The following CALN1 variants were observed in gnomAD, a reference collection of about 807,000 sequenced individuals.
The protein encoded by CALN1 is calcium-binding protein 8.
In CALN1, 17 loss-of-function variants were observed where a neutral mutation model predicts 30.6. The ratio of observed to expected loss-of-function variants is 0.56; its 90% confidence interval spans 0.38 to 0.83. The LOEUF is 0.83. CALN1 is among the 40% of genes least tolerant of loss of function. The probability of loss-of-function intolerance (pLI) is 0.00; values close to 1 mark genes in which losing one functional copy is unlikely to be tolerated. For missense variants in CALN1, 291 were observed against 354.9 expected, an observed-to-expected ratio of 0.82 and a Z score of 1.45; for synonymous variants, 156 against 131.4, an observed-to-expected ratio of 1.19 and a Z score of -1.28.
At chr7:72,201,737 T>TTA (rs1229060738) in intron 3 of CALN1, among the ~76,000 whole-genome samples, 3,250 of 117,854 alleles carry the variant, frequency 0.028, 53 homozygotes, top group Non-Finnish European at 0.039. Context: ...TGAATCTGAT[T>TTA]AAAAAAAAAA....
At chr7:72,005,407 C>T (rs752487897) in intron 5 of CALN1, among the ~76,000 whole-genome samples, 2 of 152,156 alleles carry the variant, frequency 1.3e-5, no homozygotes, top group Non-Finnish European at 2.9e-5. Context: ...CGGCTCACTA[C>T]AGCCTGGAAC....
chr7:72,101,121 G>A (rs949453183), intron 4 of CALN1, among the ~76,000 whole-genome samples: 1 of 151,860 alleles, frequency 6.6e-6, no homozygotes, highest in African/African-American at 2.4e-5. Flanking sequence ...ATGGTACCAT[G>A]CCTGGCTAAT....
intron 3 of CALN1, among the ~76,000 whole-genome samples, chr7:72,277,385 C>T (rs1797404552): frequency 6.6e-6 from 1 of 152,130 alleles, no homozygotes. Context: ...ACCAGCACAC[C>T]TTTTGCTCAA....
intron 1 of CALN1, among the ~76,000 whole-genome samples, chr7:72,430,493 G>A (rs1457728578): frequency 6.6e-6 from 1 of 152,016 alleles, no homozygotes; most frequent in African/African-American, 2.4e-5. Context: ...AGTGTTTTCT[G>A]GATAAACGTT....
chr7:71,887,644 TA>T (rs1435635801), intron 5 of CALN1, among the ~76,000 whole-genome samples: 1 of 151,672 alleles, frequency 6.6e-6, no homozygotes, highest in East Asian at 1.9e-4. Context: ...GTAGCAAACA[TA>T]GGGGGAGGGA....
At chr7:72,338,864 G>C (rs982046268) in intron 2 of CALN1, among the ~76,000 whole-genome samples, 2 of 150,930 alleles carry the variant, frequency 1.3e-5, no homozygotes, top group Non-Finnish European at 2.9e-5. Flanking sequence ...TAGTCACTGT[G>C]TTGTGCTATC....
chr7:72,316,315 G>A (rs1275967694), intron 2 of CALN1, among the ~76,000 whole-genome samples: 2 of 151,666 alleles, frequency 1.3e-5, no homozygotes, highest in Admixed American at 6.6e-5. Flanking sequence ...TTAGGGTGGT[G>A]CAAAAGTAAT....
chr7:72,486,480 T>C, the CALN1 span, among the ~76,000 whole-genome samples: 1 of 152,114 alleles, frequency 6.6e-6, no homozygotes, highest in Non-Finnish European at 1.5e-5. Context: ...CAAGTGATTA[T>C]CCTGCCTCAG....
intron 1 of CALN1, among the ~76,000 whole-genome samples, chr7:72,440,664 T>C (rs767967098): frequency 3.3e-5 from 5 of 152,140 alleles, no homozygotes; most frequent in Non-Finnish European, 5.9e-5. Flanking sequence ...CCATCTCTAC[T>C]AAAAATACAA....
intron 4 of CALN1, among the ~76,000 whole-genome samples, chr7:72,048,538 A>C (rs527417506): frequency 6.6e-6 from 1 of 152,180 alleles, no homozygotes; most frequent in Admixed American, 6.5e-5. Flanking sequence ...TGAACTTTTT[A>C]CTTATACACT....
intron 4 of CALN1, among the ~76,000 whole-genome samples, chr7:72,033,511 G>A (rs1394628362): frequency 6.6e-6 from 1 of 152,202 alleles, no homozygotes; most frequent in Non-Finnish European, 1.5e-5. Flanking sequence ...GTTAAGGCAG[G>A]ACAAAGTCAG....
chr7:71,875,529 T>G (rs1018183585), intron 5 of CALN1, among the ~76,000 whole-genome samples: 1 of 152,144 alleles, frequency 6.6e-6, no homozygotes, highest in Non-Finnish European at 1.5e-5. Context: ...TCATGGGGCA[T>G]AGTCATCAAT....
intron 5 of CALN1, among the ~76,000 whole-genome samples, chr7:71,898,755 G>C (rs1213347365): frequency 6.6e-6 from 1 of 152,140 alleles, no homozygotes; most frequent in African/African-American, 2.4e-5. Flanking sequence ...TACTCTTAAA[G>C]AAGCAATAGA....
rs989317342 is a variant in CALN1, at chr7:72,121,518, C to T, written c.245-15224G>A. 2.7e-5 allele frequency among the ~76,000 whole-genome samples: 4 copies of T among 147,820 alleles called. No individual in the cohort carries two copies. The South Asian group carries it at 6.3e-4, about 23-fold the overall frequency. The stretch of plus-strand genomic sequence containing the variant: ...AATATATAAAAATCAAAAATCAACA[C>T]GGACATGAGTCCCTCAGCTTCCTCC... On this transcript the variant is annotated intron_variant, in intron 3 of 6. Coordinates refer to ENST00000395275, the MANE Select transcript of CALN1 (RefSeq NM_031468.4).
At chr7:72,447,748 C>T (rs2129564635), upstream of CALN1, among the ~76,000 whole-genome samples, 1 of 151,480 alleles carries the variant, frequency 6.6e-6, no homozygotes, top group Admixed American at 6.6e-5. Context: ...AACATGCCTA[C>T]CCATACATGT....
At chr7:72,292,675 G>A (rs1798568723) in intron 2 of CALN1, among the ~76,000 whole-genome samples, 1 of 151,136 alleles carries the variant, frequency 6.6e-6, no homozygotes, top group Admixed American at 6.6e-5. Flanking sequence ...ATAAAAATTA[G>A]CCAGGCATGG....
chr7:72,262,409 T>C (rs1265470860), intron 3 of CALN1, among the ~76,000 whole-genome samples: 3 of 152,110 alleles, frequency 2.0e-5, no homozygotes, highest in Non-Finnish European at 4.4e-5. Flanking sequence ...CATGGATATA[T>C]TGCATGATGC....
intron 4 of CALN1, among the ~76,000 whole-genome samples, chr7:72,080,782 G>A (rs887066756): frequency 4.6e-5 from 7 of 152,160 alleles, no homozygotes; most frequent in African/African-American, 1.2e-4. Flanking sequence ...TGGGAAAGAC[G>A]CCTGCTAAGA....
the CALN1 span, among the ~76,000 whole-genome samples, chr7:72,457,055 C>T: frequency 7.7e-6 from 1 of 129,572 alleles, no homozygotes; most frequent in African/African-American, 3.0e-5. Context: ...GTTGCTCAGG[C>T]TGGAGTGCAG....
Sources: gnomAD v4.1 joint callset for allele counts (sites outside exome capture counted in the v4.1 genomes callset) on GRCh38, gnomAD v4.1.1 for gene constraint, MANE v1.5 for transcripts, NCBI Gene and HGNC (gene_info 2026-07-23, HGNC 2026-07-21) for gene names.